The following NFASC variants were observed in gnomAD, a reference collection of about 807,000 sequenced individuals.
NFASC encodes neurofascin, also known as neurofascin homolog.
Under a neutral mutation model 147.5 loss-of-function variants are expected in NFASC, and 43 were observed. That is an observed-to-expected ratio of 0.29 (90% CI 0.23 to 0.38). NFASC has a LOEUF of 0.38. Ranked by LOEUF, NFASC falls within the 10% of genes least tolerant of loss-of-function variation. The pLI is 1.00. For missense variants in NFASC, 1,320 were observed against 1,689.0 expected (o/e 0.78, Z 3.83); for synonymous variants, 622 against 665.5 (o/e 0.93, Z 1.01).
At chr1:204,952,208 A>G in intron 5 of NFASC, 92 bp downstream of exon 5, 2 of 1,006,826 alleles carry the variant, frequency 2.0e-6, no homozygotes, top group South Asian at 1.4e-5. Flanking sequence ...GGAAAATTGG[A>G]CTCATCCATT....
intron 1 of NFASC, among the ~76,000 whole-genome samples, chr1:204,839,602 A>G (rs943361536): frequency 3.3e-5 from 5 of 152,156 alleles, no homozygotes; most frequent in African/African-American, 9.6e-5. Context: ...AGCTGCCTTT[A>G]TGGTTGGTCA....
chr1:204,872,614 T>C (rs1156496835), intron 1 of NFASC, among the ~76,000 whole-genome samples: 1 of 152,170 alleles, frequency 6.6e-6, no homozygotes, highest in Non-Finnish European at 1.5e-5. Flanking sequence ...CTACTGGCTC[T>C]GTTGTAACAT....
chr1:204,997,155 A>C lies in NFASC; in HGVS notation c.2783-15A>C. 1 of 1,602,024 alleles carries C rather than the reference A, an allele frequency of 6.2e-7. No homozygotes were observed. The highest frequency in any genetic ancestry group is 8.5e-7 in the Non-Finnish European group (1 of 1,171,516). ...CAAACCAACCAGACTCGGCTGTTTT[A>C]CATTTCCCTCTCAGCTCCTCCCACA... is the stretch of plus-strand genomic sequence containing the variant. On this transcript the variant is annotated splice_polypyrimidine_tract_variant and intron_variant, in intron 24 of 29. Transcript: ENST00000339876.
At chr1:204,875,055 A>G (rs984372394) in intron 1 of NFASC, among the ~76,000 whole-genome samples, 1 of 150,736 alleles carries the variant, frequency 6.6e-6, no homozygotes, top group South Asian at 2.1e-4. Context: ...GAAAGTCAAG[A>G]TTTGAGTGTG....
intron 7 of NFASC, 85 bp downstream of exon 7, chr1:204,955,036 A>G: frequency 6.5e-7 from 1 of 1,528,366 alleles, no homozygotes; most frequent in Non-Finnish European, 8.9e-7. Context: ...GGCTTGCCCA[A>G]GCTAGAAGGC....
chr1:204,997,070 G>A (rs1001215598), intron 24 of NFASC, 100 bp from the exon 25 acceptor site: 23 of 1,532,130 alleles, frequency 1.5e-5, no homozygotes, highest in Admixed American at 1.9e-5. Context: ...ACTAAGCCCC[G>A]TCTCCTCACC....
chr1:204,986,064 G>A lies in NFASC; in HGVS notation c.2471-1354G>A, dbSNP rs2095608941. ...CTGGAGATGGTTGTGGTCAATGGGA[G>A]AGGTGATGGGCCTCGCAGTGAGACC... On this transcript the variant is annotated intron_variant, in intron 21 of 29. Coordinates refer to ENST00000339876, the MANE Select transcript of NFASC (RefSeq NM_001005388.3). The surrounding 1 kb of genome is among the most constrained non-coding windows in gnomAD (Gnocchi z 4.2). 1 of 1,614,084 alleles carries A rather than the reference G, an allele frequency of 6.2e-7. No homozygotes were observed. The highest frequency in any genetic ancestry group is 1.3e-5 in the African/African-American group (1 of 74,930).
chr1:204,999,713 T>C (rs914324263), intron 25 of NFASC: 1 of 152,208 alleles, frequency 6.6e-6, no homozygotes, highest in Non-Finnish European at 1.5e-5. Flanking sequence ...CTGACAGAGT[T>C]GTAGTGCAGA....
intron 2 of NFASC, among the ~76,000 whole-genome samples, chr1:204,936,193 T>TTC (rs1214692633): frequency 9.5e-5 from 7 of 74,040 alleles, no homozygotes; most frequent in African/African-American, 3.4e-4. Flanking sequence ...CCTCTCTCTC[T>TTC]CTTTCTTTTT....
chr1:204,970,032 C>T (rs182933628), intron 10 of NFASC, among the ~76,000 whole-genome samples: 112 of 137,932 alleles, frequency 8.1e-4, no homozygotes, highest in African/African-American at 2.6e-3. Flanking sequence ...GCCAAGATTG[C>T]GCCACTGCGC....
chr1:204,988,599 T>A (rs1021450701), intron 22 of NFASC, 34 bp from the exon 23 acceptor site: 1 of 1,601,452 alleles, frequency 6.2e-7, no homozygotes, highest in Admixed American at 1.7e-5. Context: ...TAAATGTTGC[T>A]AAAGTTTAAT....
At chr1:204,867,170 G>A (rs1393690028) in intron 1 of NFASC, among the ~76,000 whole-genome samples, 1 of 152,136 alleles carries the variant, frequency 6.6e-6, no homozygotes, top group Non-Finnish European at 1.5e-5. Flanking sequence ...GCAGAAACAG[G>A]GAGTCCCTGT....
chr1:204,876,013 T>G lies in NFASC; in HGVS notation c.-199-44619T>G, dbSNP rs181495928. Among the ~76,000 whole-genome samples, 113 of 152,306 alleles carry G rather than the reference T, an allele frequency of 7.4e-4. 1 individual carries two copies. Among genetic ancestry groups the G allele is most frequent in the South Asian group, 4.2e-3 (20 of 4,818 alleles). ...CCTGGTAATACACAGTCATTTGGGATGTATTGTCTTCCTTCCTAAGCCTTT... is the reference window on the plus strand; with the variant it reads ...CCTGGTAATACACAGTCATTTGGGAGGTATTGTCTTCCTTCCTAAGCCTTT... On this transcript the variant is annotated intron_variant, in intron 1 of 29. Transcript: ENST00000339876.
Position 204,986,100 on chromosome 1 carries a change from C to A in NFASC, c.2471-1318C>A. 6.2e-7 allele frequency: 1 copy of A among 1,613,632 alleles called. No homozygotes were observed. The highest frequency in any genetic ancestry group is 8.5e-7 in the Non-Finnish European group (1 of 1,179,528). On this transcript the variant is annotated intron_variant, in intron 21 of 29. Transcript: ENST00000339876. This position sits in a 1 kb window ranked among gnomAD's most constrained non-coding sequence, Gnocchi z 4.2. ...CCTCGCAGTGAGACCAAGGAGTTCA[C>A]CACCCCGGAAGGAGGTAGGTCTGGC...
intron 1 of NFASC, among the ~76,000 whole-genome samples, chr1:204,862,874 C>G (rs977431898): frequency 5.3e-5 from 8 of 152,218 alleles, no homozygotes; most frequent in African/African-American, 1.9e-4. Flanking sequence ...ATAGCCTAGA[C>G]TACTCAAGGC....
chr1:204,896,748 TA>T (rs1004186963), intron 1 of NFASC, among the ~76,000 whole-genome samples: 37 of 152,190 alleles, frequency 2.4e-4, no homozygotes, highest in African/African-American at 8.4e-4. Context: ...AATCGGCATA[TA>T]AAAAAATTAT....
chr1:204,906,744 G>A (rs539198927), intron 1 of NFASC, among the ~76,000 whole-genome samples: 68 of 141,158 alleles, frequency 4.8e-4, no homozygotes, highest in Middle Eastern at 3.5e-3. Context: ...GTGCAGTGGC[G>A]CGATCTCGGC....
At chr1:204,831,873 A>G (rs1413899052) in intron 1 of NFASC, among the ~76,000 whole-genome samples, 1 of 152,180 alleles carries the variant, frequency 6.6e-6, no homozygotes, top group East Asian at 1.9e-4. Context: ...CTCCTGGGCA[A>G]TGGAAGAGGA....
At chr1:204,916,541 A>G (rs2089291953) in intron 1 of NFASC, among the ~76,000 whole-genome samples, 1 of 152,152 alleles carries the variant, frequency 6.6e-6, no homozygotes, top group South Asian at 2.1e-4. Flanking sequence ...TTGTTTTCCA[A>G]GTACTTTCCT....
Sources: allele counts gnomAD v4.1 joint callset (sites outside exome capture counted in the v4.1 genomes callset), GRCh38; gene constraint gnomAD v4.1.1; non-coding constraint Gnocchi (gnomAD v3.1); transcripts MANE v1.5; gene names NCBI Gene and HGNC (gene_info 2026-07-23, HGNC 2026-07-21).